Variants in DLC1 observed in about 807,000 individuals in gnomAD.
The protein encoded by DLC1 is rho GTPase-activating protein 7.
In DLC1, 54 loss-of-function variants were observed where a neutral mutation model predicts 140.3. That is an observed-to-expected ratio of 0.38 (90% CI 0.31 to 0.48). The LOEUF (loss-of-function observed/expected upper bound fraction) is 0.48, where lower values mean the gene tolerates loss of function less well. Among genes scored for constraint, DLC1 ranks in the 20% least tolerant of loss-of-function variants. The pLI, the probability that DLC1 is intolerant of heterozygous loss-of-function variation, is 0.96. For missense variants in DLC1, 2,536 were observed against 1,907.0 expected (o/e 1.33, Z -6.14); for synonymous variants, 986 against 728.1 (o/e 1.35, Z -5.70).
At chr8:13,165,601 G>C (rs988276296) in intron 5 of DLC1, among the ~76,000 whole-genome samples, 5 of 152,170 alleles carry the variant, frequency 3.3e-5, no homozygotes, top group African/African-American at 1.2e-4. Flanking sequence ...AGCTCTTTTG[G>C]AAAGATTTGG....
chr8:13,524,748 C>CT (rs150709021), intron 1 of DLC1, among the ~76,000 whole-genome samples: 3,333 of 150,924 alleles, frequency 0.022, 120 homozygotes, highest in African/African-American at 0.073. Context: ...CCAATTTCTT[C>CT]TTTTTCATTT....
At chr8:13,551,253 A>T (rs1803838991) in intron 1 of DLC1, among the ~76,000 whole-genome samples, 1 of 152,098 alleles carries the variant, frequency 6.6e-6, no homozygotes, top group East Asian at 1.9e-4. Context: ...TAGCTTTTAG[A>T]TGTTCAATCT....
intron 4 of DLC1, among the ~76,000 whole-genome samples, chr8:13,316,648 G>A (rs547310431): frequency 1.3e-5 from 2 of 152,162 alleles, no homozygotes; most frequent in East Asian, 1.9e-4. Context: ...CACTCGGCAC[G>A]ATTGCTTGGA....
chr8:13,264,677 G>A (rs1025054485), intron 5 of DLC1, among the ~76,000 whole-genome samples: 1 of 151,988 alleles, frequency 6.6e-6, no homozygotes. Flanking sequence ...TTAAGTTAGT[G>A]GTAGATACAT....
At chr8:13,598,383 A>G (rs1805752717) in intron 1 of DLC1, among the ~76,000 whole-genome samples, 2 of 152,076 alleles carry the variant, frequency 1.3e-5, no homozygotes, top group African/African-American at 2.4e-5. Flanking sequence ...GGGACCACTT[A>G]GACAAAAGCT....
At chr8:13,221,241 G>A (rs1384534972) in intron 5 of DLC1, among the ~76,000 whole-genome samples, 3 of 152,178 alleles carry the variant, frequency 2.0e-5, no homozygotes, top group South Asian at 4.1e-4. Context: ...GGATGATTAC[G>A]CAGACAGCAC....
chr8:13,126,368 T>TACACACACACACACACAC (rs3065349), intron 5 of DLC1, among the ~76,000 whole-genome samples: 179 of 145,596 alleles, frequency 1.2e-3, no homozygotes, highest in Middle Eastern at 3.5e-3. Flanking sequence ...TCTCTATCCA[T>TACACACACACACACACAC]ACACACACAC....
In DLC1 at chr8:13,100,319, C is replaced by A; in HGVS notation, c.2018G>T (p.Ser673Ile). Residue 673 changes from serine (S) to isoleucine (I), a missense_variant, in exon 9 of 18, where the codon AGC becomes ATC. Ser to Ile is a moderately radical substitution (Grantham distance 142, BLOSUM62 -2). Transcript: ENST00000276297. ...KTRSLLKRME[S>I]LKLKSSHHSK... Reference sequence around the variant, plus strand: ...GTGATGGGAGCTCTTGAGCTTCAGGCTCTCCATCCGTTTCAGCAGACTGCG... The same window carrying A: ...GTGATGGGAGCTCTTGAGCTTCAGGATCTCCATCCGTTTCAGCAGACTGCG... The A allele has an allele frequency of 6.2e-7, 1 of 1,614,184 alleles. No individual in the cohort carries two copies. Among genetic ancestry groups the A allele is most frequent in the Non-Finnish European group, 8.5e-7 (1 of 1,180,046 alleles).
At chr8:13,484,580 C>G (rs574718149) in intron 2 of DLC1, among the ~76,000 whole-genome samples, 1 of 152,020 alleles carries the variant, frequency 6.6e-6, no homozygotes. Flanking sequence ...GAACCGAACA[C>G]GAGTGATGGC....
chr8:13,440,981 C>A (rs1174234442), intron 2 of DLC1, among the ~76,000 whole-genome samples: 1 of 152,082 alleles, frequency 6.6e-6, no homozygotes, highest in Non-Finnish European at 1.5e-5. Context: ...CTGCTTTATT[C>A]ACACTTTCTT....
At chr8:13,517,363 T>C (rs1463225014), upstream of DLC1, among the ~76,000 whole-genome samples, 9 of 152,222 alleles carry the variant, frequency 5.9e-5, no homozygotes, top group Non-Finnish European at 8.8e-5. Context: ...AAATGCCTTT[T>C]AGATATCTAG....
Position 13,117,213 on chromosome 8 carries a change from T to C in DLC1, c.1349-1556A>G, listed in dbSNP as rs537880103. 1.4e-4 allele frequency among the ~76,000 whole-genome samples: 22 copies of C among 152,376 alleles called. No homozygotes were observed. The South Asian group carries it at 4.6e-3, about 32-fold the overall frequency. ...TAGACTGGGTGTGGTGGCTTGCGCC[T>C]ATAATCCCTGCATTTGAAAGGCTGA... is the stretch of plus-strand genomic sequence containing the variant. On this transcript the variant is annotated intron_variant, in intron 5 of 17. Transcript: ENST00000276297.
At position 13,100,304 on chromosome 8, in the gene DLC1, C is replaced by T. The variant is rs1026482909; in HGVS notation, c.2033G>A (p.Ser678Asn). ...CGCTTTGTGCTTGCTGTGATGGGAG[C>T]TCTTGAGCTTCAGGCTCTCCATCCG... ...LKRMESLKLK[S>N]SHHSKHKAPS... The change falls in exon 9 of 18, where the codon AGC (serine) becomes AAC (asparagine). Residue 678 changes from serine to asparagine, a missense_variant. Ser to Asn is a conservative substitution (Grantham distance 46). Transcript: ENST00000276297. 6.2e-7 allele frequency: 1 copy of T among 1,614,038 alleles called. No homozygotes were observed. Among genetic ancestry groups the T allele is most frequent in the African/African-American group, 1.3e-5 (1 of 74,930 alleles).
At position 13,099,113 on chromosome 8, in the gene DLC1, C is replaced by T. The variant is rs1408138860; in HGVS notation, c.2990+234G>A. On this transcript the variant is annotated intron_variant, in intron 9 of 17. Transcript: ENST00000276297. ...ACCAAGTTCATTCTCATTGTGTGAC[C>T]ATCTCTGCCAACCATCTCCAGAACT... 2.0e-5 allele frequency among the ~76,000 whole-genome samples: 3 copies of T among 151,906 alleles called. No homozygotes were observed. In the East Asian group the frequency reaches 5.8e-4, roughly 29 times the overall value.
chr8:13,524,297 C>G (rs1465059825), intron 1 of DLC1, among the ~76,000 whole-genome samples: 1 of 151,706 alleles, frequency 6.6e-6, no homozygotes, highest in Non-Finnish European at 1.5e-5. Flanking sequence ...ACCACCATAC[C>G]AAGCTAATTT....
chr8:13,325,828 A>C (rs1461943008), intron 4 of DLC1, among the ~76,000 whole-genome samples: 2 of 152,234 alleles, frequency 1.3e-5, no homozygotes, highest in Non-Finnish European at 2.9e-5. Context: ...TAAAGTAAGA[A>C]AATAGCTTTT....
chr8:13,589,241 T>C (rs939351348), intron 1 of DLC1, among the ~76,000 whole-genome samples: 2 of 152,236 alleles, frequency 1.3e-5, no homozygotes, highest in East Asian at 1.9e-4. Flanking sequence ...TTTTTAATGT[T>C]ATAATAGAAC....
intron 2 of DLC1, among the ~76,000 whole-genome samples, chr8:13,447,564 T>C (rs1409187385): frequency 1.3e-5 from 2 of 152,210 alleles, no homozygotes. Flanking sequence ...CTCAATACTA[T>C]TTTAGAAAAG....
intron 1 of DLC1, among the ~76,000 whole-genome samples, chr8:13,534,651 G>T (rs1803209487): frequency 1.3e-5 from 2 of 152,250 alleles, no homozygotes; most frequent in Middle Eastern, 3.4e-3. Context: ...CTGCTGACCA[G>T]GCACTGAAAA....
Sources: allele counts gnomAD v4.1 joint callset (sites outside exome capture counted in the v4.1 genomes callset), GRCh38; gene constraint gnomAD v4.1.1; transcripts MANE v1.5; gene names NCBI Gene and HGNC (gene_info 2026-07-23, HGNC 2026-07-21).